The following DNMBP variants were observed in gnomAD, a reference collection of about 807,000 sequenced individuals.
The protein encoded by DNMBP is dynamin binding protein, also known as dynamin-binding protein.
In DNMBP, 87 loss-of-function variants were observed where a neutral mutation model predicts 150.0. The observed-to-expected ratio is 0.58, with a 90% CI of 0.49 to 0.69. DNMBP has a LOEUF of 0.69. DNMBP is among the 30% of genes least tolerant of loss of function. The pLI is 0.00. For missense variants in DNMBP, 1,774 were observed against 1,949.0 expected, an observed-to-expected ratio of 0.91 and a Z score of 1.69; for synonymous variants, 711 against 750.4, an observed-to-expected ratio of 0.95 and a Z score of 0.86.
At chr10:100,006,720 C>T (rs1177040503) in intron 1 of DNMBP, among the ~76,000 whole-genome samples, 1 of 151,674 alleles carries the variant, frequency 6.6e-6, no homozygotes, top group African/African-American at 2.4e-5. Flanking sequence ...GCCACCATGA[C>T]CTTGCCACCC....
chr10:99,922,765 T>C (rs1427095325), intron 4 of DNMBP, among the ~76,000 whole-genome samples: 1 of 152,084 alleles, frequency 6.6e-6, no homozygotes, highest in African/African-American at 2.4e-5. Context: ...AATTGGAGCA[T>C]TCCAATCTTG....
Position 99,955,728 on chromosome 10 carries a change from A to G in DNMBP, c.1746T>C (p.Phe582=). 1.9e-6 allele frequency: 3 copies of G among 1,614,242 alleles called. No individual in the cohort carries two copies. Among genetic ancestry groups the G allele is most frequent in the Non-Finnish European group, 2.5e-6 (3 of 1,180,046 alleles). ...CTCGGACAATATCCTTCTCAGAGTT[A>G]AAGTCCATGATTGAAAAGTGGCGTA... is the stretch of plus-strand genomic sequence containing the variant. ...KILRHFSIMD[F]NSEKDIVRGS... is the part of the protein sequence containing the mutation. Residue 582 remains phenylalanine, a synonymous_variant, in exon 4 of 17, where the codon TTT becomes TTC. Coordinates refer to ENST00000324109, the MANE Select transcript of DNMBP (RefSeq NM_015221.4).
rs771327589 is a variant in DNMBP, at chr10:99,955,958, T to G, written c.1516A>C (p.Thr506Pro). The G allele has an allele frequency of 1.2e-6, 2 of 1,614,204 alleles. No individual in the cohort carries two copies. The highest frequency in any genetic ancestry group is 1.3e-5 in the African/African-American group (1 of 75,056). Residue 506 changes from threonine to proline, a missense_variant, in exon 4 of 17, where the codon ACT (threonine) becomes CCT (proline). Thr to Pro is a conservative substitution (Grantham distance 38). Coordinates refer to ENST00000324109, the MANE Select transcript of DNMBP (RefSeq NM_015221.4). ...SPQLHNLASY[T>P]KKHHTSSVYS... is the part of the protein sequence containing the mutation. Reference sequence around the variant, plus strand: ...ACACTGGACGTGTGGTGCTTTTTAGTATAACTTGCTAGGTTGTGGAGCTGA... The same window carrying G: ...ACACTGGACGTGTGGTGCTTTTTAGGATAACTTGCTAGGTTGTGGAGCTGA...
At chr10:99,980,666 G>A (rs985901767) in intron 1 of DNMBP, among the ~76,000 whole-genome samples, 22 of 151,908 alleles carry the variant, frequency 1.4e-4, no homozygotes, top group Non-Finnish European at 2.5e-4. Flanking sequence ...ATAGCTGGGC[G>A]CAGTGGCAGG....
intron 1 of DNMBP, among the ~76,000 whole-genome samples, chr10:100,000,589 T>C (rs1055663117): frequency 6.6e-6 from 1 of 152,176 alleles, no homozygotes; most frequent in African/African-American, 2.4e-5. Context: ...ACTAGCCTGC[T>C]GAACCTATGC....
chr10:99,925,601 CA>C, intron 4 of DNMBP, among the ~76,000 whole-genome samples: 1 of 151,968 alleles, frequency 6.6e-6, no homozygotes, highest in East Asian at 1.9e-4. Flanking sequence ...TTTTTGTACA[CA>C]GGGGGTTTCA....
At chr10:99,925,192 C>A (rs1018282890) in intron 4 of DNMBP, among the ~76,000 whole-genome samples, 3 of 152,108 alleles carry the variant, frequency 2.0e-5, no homozygotes, top group Non-Finnish European at 2.9e-5. Context: ...CTAAATTCAT[C>A]TTTGCAGACT....
chr10:99,900,091 G>C lies in DNMBP; in HGVS notation c.2555-25C>G, dbSNP rs376345583. ...CCTTTGGAATACACACAAACATACA[G>C]TGTTTTTAGTAAACTTTCTTCTCAG... On this transcript the variant is annotated intron_variant, in intron 6 of 16. Transcript: ENST00000324109. 5 of 1,612,846 alleles carry C rather than the reference G, an allele frequency of 3.1e-6. No individual in the cohort carries two copies. The South Asian group carries it at 4.4e-5, about 14-fold the overall frequency.
chr10:99,888,988 GACAGA>G lies in DNMBP; in HGVS notation c.3157-40_3157-36del, dbSNP rs775792021. ...GTTAGGACAGACACAAGTCAGAACAGACAGAACTTTCCAGCTTTTGTCATACATTC... is the reference window on the plus strand; with the variant it reads ...GTTAGGACAGACACAAGTCAGAACAGACTTTCCAGCTTTTGTCATACATTC... On this transcript the variant is annotated intron_variant, in intron 11 of 16. Transcript: ENST00000324109. 33 of 1,608,770 alleles carry G rather than the reference GACAGA, an allele frequency of 2.1e-5. No individual in the cohort carries two copies. In the African/African-American group the frequency reaches 3.9e-4, roughly 19 times the overall value.
rs1186379981 is a variant in DNMBP at position 99,894,958 on chromosome 10, G to A, written c.3144C>T (p.Leu1048=). 3.1e-6 allele frequency: 5 copies of A among 1,613,298 alleles called. No individual in the cohort carries two copies. The highest frequency in any genetic ancestry group is 1.7e-5 in the Admixed American group (1 of 59,976). The part of the protein sequence containing the change: ...KSFIRDLSLY[L]QHIRESACVK... ...TGTTGATGCTCACCCGGATGTGCTG[G>A]AGGTAGAGAGACAGGTCTCGGATAA... The change falls in exon 11 of 17, where the codon CTC becomes CTT. Residue 1048 remains leucine (L), a synonymous_variant. Transcript: ENST00000324109.
At chr10:99,902,619 TAAAAAAAAAA>T in intron 6 of DNMBP, among the ~76,000 whole-genome samples, 1 of 125,172 alleles carries the variant, frequency 8.0e-6, no homozygotes, top group African/African-American at 3.0e-5. Flanking sequence ...TGCCTCCCTT[TAAAAAAAAAA>T]AAAAAAAAAA....
At chr10:99,891,018 C>T (rs2039547919) in intron 11 of DNMBP, among the ~76,000 whole-genome samples, 1 of 152,140 alleles carries the variant, frequency 6.6e-6, no homozygotes, top group Non-Finnish European at 1.5e-5. Flanking sequence ...ACTGGGTAAC[C>T]AGCTGGAAAA....
chr10:99,878,495 T>C (rs1333858764), intron 16 of DNMBP, among the ~76,000 whole-genome samples: 6 of 152,208 alleles, frequency 3.9e-5, no homozygotes. Context: ...ATGGGGATGT[T>C]TGACCCGGGA....
At position 99,877,135 on chromosome 10, in the gene DNMBP, G is replaced by C. The variant is rs1407098536; in HGVS notation, c.*16C>G. The C allele has an allele frequency of 1.9e-6, 3 of 1,594,194 alleles. No homozygotes were observed. The South Asian group carries it at 3.4e-5, about 18-fold the overall frequency. On this transcript the variant is annotated 3_prime_UTR_variant, in exon 17 of 17. Coordinates refer to ENST00000324109, the MANE Select transcript of DNMBP (RefSeq NM_015221.4). ...GAAAGCAAAGGCAGCAAGGCTGGGT[G>C]GCAGGCAACGTGGGCTCAGGTGTAC... is the stretch of plus-strand genomic sequence containing the variant.
intron 14 of DNMBP, 29 bp downstream of exon 14, chr10:99,885,658 G>A (rs751165465): frequency 2.1e-5 from 32 of 1,539,354 alleles, no homozygotes; most frequent in African/African-American, 8.3e-5. Flanking sequence ...ACCCCGAGGC[G>A]GGGCTGCTGC....
At chr10:99,954,533 T>G (rs11190339) in intron 4 of DNMBP, among the ~76,000 whole-genome samples, 70,229 of 149,136 alleles carry the variant, frequency 0.47, 17,266 homozygotes, top group African/African-American at 0.63. Context: ...TCACCTGAGG[T>G]CAGGAGTTCG....
chr10:99,944,739 CATAA>C (rs1189560603), intron 4 of DNMBP, among the ~76,000 whole-genome samples: 1 of 152,186 alleles, frequency 6.6e-6, no homozygotes, highest in Non-Finnish European at 1.5e-5. Context: ...ACACAGCAAT[CATAA>C]ATACTGTCTA....
chr10:100,009,786 C>T (rs1037116818), intron 1 of DNMBP, 52 bp downstream of exon 1: 1 of 149,454 alleles, frequency 6.7e-6, no homozygotes, highest in East Asian at 2.0e-4. Context: ...GGACCGCGAC[C>T]CCCGCTCCCC....
At chr10:99,894,203 G>A (rs2039618316) in intron 11 of DNMBP, among the ~76,000 whole-genome samples, 1 of 152,148 alleles carries the variant, frequency 6.6e-6, no homozygotes, top group Non-Finnish European at 1.5e-5. Flanking sequence ...CCAGGACTTG[G>A]AGACTGCACT....
Sources: allele counts gnomAD v4.1 joint callset (sites outside exome capture counted in the v4.1 genomes callset), GRCh38; gene constraint gnomAD v4.1.1; transcripts MANE v1.5; gene names NCBI Gene and HGNC (gene_info 2026-07-23, HGNC 2026-07-21).